NSUN7: variants seen among roughly 807,000 people sequenced by gnomAD.
NSUN7 encodes the protein NOP2/Sun RNA methyltransferase family member 7.
NSUN7 carries 39 observed loss-of-function variants against 58.5 expected under a neutral mutation model. The observed-to-expected ratio is 0.67, with a 90% confidence interval of 0.52 to 0.87. The LOEUF is 0.87. NSUN7 is among the 40% of genes least tolerant of loss of function. NSUN7 has a pLI of 0.00. For synonymous variants in NSUN7, 278 were observed against 303.7 expected, an observed-to-expected ratio of 0.92 and a Z score of 0.88; for missense variants, 765 against 844.1, an observed-to-expected ratio of 0.91 and a Z score of 1.16.
rs1172697465 is a variant in NSUN7, at chr4:40,809,253, CCTGCAGGGAAGGAAACA to C, written c.*319_*335del. The C allele has an allele frequency of 1.3e-5, 3 of 229,392 alleles. No homozygotes were observed. Among genetic ancestry groups the C allele is most frequent in the Admixed American group, 1.1e-4 (2 of 17,964 alleles). 14.2% of individuals were successfully genotyped at this position (229,392 alleles called of 1,614,324 possible). On this transcript the variant is annotated 3_prime_UTR_variant, in exon 12 of 12. Coordinates refer to ENST00000381782, the MANE Select transcript of NSUN7 (RefSeq NM_024677.6). ...CTGGACTTAAAGCTGCCAAGTTTCC[CCTGCAGGGAAGGAAACA>C]CTGCCTCCCTTCAGCAGGTAGCTCA...
At position 40,808,927 on chromosome 4, in the gene NSUN7, G is replaced by A. The variant is rs1018539075; in HGVS notation, c.2145G>A (p.Arg715=). ...DTPSSLLRPP[R]RWL ...CTTCCTCCCTACTCAGGCCTCCTCG[G>A]CGATGGCTTTGATTGTCTTGTGTTT... The change falls in exon 12 of 12, where the codon CGG becomes CGA. Residue 715 remains arginine (R), a synonymous_variant. Transcript: ENST00000381782. 9.2e-6 allele frequency: 14 copies of A among 1,521,212 alleles called. No individual in the cohort carries two copies. The African/African-American group carries it at 1.7e-4, about 18-fold the overall frequency. 94.2% of individuals were successfully genotyped at this position (1,521,212 alleles called of 1,614,324 possible).
chr4:40,807,322 G>A, intron 11 of NSUN7, 138 bp downstream of exon 11: 2 of 759,766 alleles, frequency 2.6e-6, no homozygotes, highest in African/African-American at 1.8e-5. Context: ...TGAAGGGCAG[G>A]AACAAGAATT....
intron 10 of NSUN7, among the ~76,000 whole-genome samples, chr4:40,799,677 G>C (rs1036170225): frequency 5.9e-5 from 9 of 152,108 alleles, no homozygotes; most frequent in African/African-American, 2.2e-4. Context: ...TATTGAAGAT[G>C]TTTATAACTA....
intron 4 of NSUN7, chr4:40,762,530 G>A (rs1577547060): frequency 6.6e-6 from 1 of 152,164 alleles, no homozygotes; most frequent in East Asian, 1.9e-4. Flanking sequence ...ATATGTGTTA[G>A]CCACTGTTCT....
chr4:40,787,208 T>C (rs1742867752), intron 7 of NSUN7, among the ~76,000 whole-genome samples: 1 of 152,042 alleles, frequency 6.6e-6, no homozygotes, highest in Non-Finnish European at 1.5e-5. Flanking sequence ...GACCTCTGCC[T>C]AGGAAAACCA....
chr4:40,752,815 G>A (rs1204048652), intron 2 of NSUN7, among the ~76,000 whole-genome samples: 1 of 7,724 alleles, frequency 1.3e-4, no homozygotes, highest in Non-Finnish European at 2.7e-4. Context: ...TTGGTTGTCT[G>A]CAGAGAGTCT....
chr4:40,771,551 T>A (rs1451047902), intron 4 of NSUN7, among the ~76,000 whole-genome samples: 2 of 151,954 alleles, frequency 1.3e-5, no homozygotes, highest in Non-Finnish European at 2.9e-5. Context: ...TGGCAAATAG[T>A]TCAGCACATG....
chr4:40,787,977 G>T (rs1742911559), intron 7 of NSUN7, among the ~76,000 whole-genome samples: 1 of 152,182 alleles, frequency 6.6e-6, no homozygotes, highest in South Asian at 2.1e-4. Context: ...TGGGATTACA[G>T]AGGCAGGCCA....
chr4:40,785,157 T>C (rs1742749090), intron 7 of NSUN7, among the ~76,000 whole-genome samples: 1 of 151,150 alleles, frequency 6.6e-6, no homozygotes, highest in African/African-American at 2.4e-5. Context: ...CACTTCAGCA[T>C]CCCAAGTAGC....
In NSUN7 at chr4:40,775,906, G is replaced by A; in HGVS notation, c.826-143G>A. 1 of 509,580 alleles carries A rather than the reference G, an allele frequency of 2.0e-6. No individual in the cohort carries two copies. Among genetic ancestry groups the A allele is most frequent in the Non-Finnish European group, 3.4e-6 (1 of 290,864 alleles). The allele number at this position is 509,580 out of a possible 1,614,324, so 31.6% of individuals were successfully genotyped here. ...GTTGTCTTTGTTAACTCTTTACTTA[G>A]ACATATATTAAGATGTTAAAACTAA... On this transcript the variant is annotated intron_variant, in intron 6 of 11. Coordinates refer to ENST00000381782, the MANE Select transcript of NSUN7 (RefSeq NM_024677.6). This position sits in a 1 kb window ranked among gnomAD's most constrained non-coding sequence, Gnocchi z 4.3.
intron 7 of NSUN7, among the ~76,000 whole-genome samples, chr4:40,788,069 G>A (rs545907514): frequency 4.1e-4 from 62 of 152,252 alleles, no homozygotes; most frequent in African/African-American, 1.4e-3. Flanking sequence ...TCCCGACCTC[G>A]TGATCCGCCC....
intron 9 of NSUN7, among the ~76,000 whole-genome samples, chr4:40,796,640 A>G (rs2154288955): frequency 6.6e-6 from 1 of 152,270 alleles, no homozygotes; most frequent in South Asian, 2.1e-4. Context: ...TTAAAAAAAT[A>G]CAAATAAATC....
intron 3 of NSUN7, 102 bp downstream of exon 3, chr4:40,760,594 G>A (rs1560546397): frequency 9.0e-6 from 8 of 892,600 alleles, no homozygotes; most frequent in Admixed American, 2.6e-5. Flanking sequence ...CGGGCGCAGT[G>A]GCTCACACCT....
chr4:40,761,080 T>C, intron 3 of NSUN7, 91 bp from the exon 4 acceptor site: 1 of 1,032,944 alleles, frequency 9.7e-7, no homozygotes, highest in African/African-American at 1.7e-5. Flanking sequence ...CCTGCTCTGT[T>C]ATGAAAAATA....
rs1345388429 is a variant in NSUN7, at chr4:40,775,407, A to G, written c.825+457A>G. On this transcript the variant is annotated intron_variant, in intron 6 of 11. Coordinates refer to ENST00000381782, the MANE Select transcript of NSUN7 (RefSeq NM_024677.6). The surrounding 1 kb of genome is among the most constrained non-coding windows in gnomAD (Gnocchi z 4.3). ...GTATATAAAGGCTATCAATATAGGA[A>G]GAGAATGTGAGGTATAATGTAGTTT... 1.3e-5 allele frequency: 2 copies of G among 152,858 alleles called. No homozygotes were observed. Among genetic ancestry groups the G allele is most frequent in the Admixed American group, 6.5e-5 (1 of 15,340 alleles). The allele number at this position is 152,858 out of a possible 1,614,324, so 9.5% of individuals were successfully genotyped here.
rs111427376 is a variant in NSUN7 at position 40,785,928 on chromosome 4, C to T, written c.1037-4674C>T. Reference sequence around the variant, plus strand: ...TGCCAGGCGCCCAGTCCTCCGCCATCGCCCACGCCTCCCTGGTGCCAGGGA... The same window carrying T: ...TGCCAGGCGCCCAGTCCTCCGCCATTGCCCACGCCTCCCTGGTGCCAGGGA... On this transcript the variant is annotated intron_variant, in intron 7 of 11. Transcript: ENST00000381782. 4.4e-3 allele frequency among the ~76,000 whole-genome samples: 676 copies of T among 152,334 alleles called. 5 individuals carry two copies. The highest frequency in any genetic ancestry group is 0.015 in the African/African-American group (639 of 41,570).
chr4:40,777,854 C>A (rs1390866909), intron 7 of NSUN7, among the ~76,000 whole-genome samples: 1 of 152,160 alleles, frequency 6.6e-6, no homozygotes, highest in Non-Finnish European at 1.5e-5. Context: ...CCTGCCTCAG[C>A]CTCTCAAGTA....
Position 40,750,090 on chromosome 4 carries a change from C to CCCA in NSUN7, c.-297_-295dup, listed in dbSNP as rs1166993702. The CCCA allele has an allele frequency of 6.6e-6, 1 of 152,418 alleles. No individual in the cohort carries two copies. Among genetic ancestry groups the CCCA allele is most frequent in the Non-Finnish European group, 1.5e-5 (1 of 68,232 alleles). The allele number at this position is 152,418 out of a possible 1,614,324, so 9.4% of individuals were successfully genotyped here. A position where few individuals can be genotyped will look rare whatever the true frequency, so the allele number is the denominator to read the frequency against. ...CGAGGCCAGGCGAGGCCCCGAGGCGCCCACCACTTCACGACACCGGAGCGA... is the reference window on the plus strand; with the variant it reads ...CGAGGCCAGGCGAGGCCCCGAGGCGCCCACCACCACTTCACGACACCGGAGCGA... On this transcript the variant is annotated 5_prime_UTR_variant, in exon 1 of 12. Coordinates refer to ENST00000381782, the MANE Select transcript of NSUN7 (RefSeq NM_024677.6).
At position 40,810,899 on chromosome 4, in the gene NSUN7, A is replaced by C. The variant is rs1042461564; in HGVS notation, c.*1960A>C. On this transcript the variant is annotated 3_prime_UTR_variant, in exon 12 of 12. Coordinates refer to ENST00000381782, the MANE Select transcript of NSUN7 (RefSeq NM_024677.6). ...TCAGTAAAGAATCCCATTGTGTATC[A>C]TAAGAATCCCTTATCCTTTTCGGGC... The C allele has an allele frequency of 2.6e-5, 4 of 152,220 alleles. No homozygotes were observed. The highest frequency in any genetic ancestry group is 4.8e-5 in the African/African-American group (2 of 41,452). The allele number at this position is 152,220 out of a possible 1,614,324, so 9.4% of individuals were successfully genotyped here. A position where few individuals can be genotyped will look rare whatever the true frequency, so the allele number is the denominator to read the frequency against.
Sources: allele counts gnomAD v4.1 joint callset (sites outside exome capture counted in the v4.1 genomes callset), GRCh38; gene constraint gnomAD v4.1.1; non-coding constraint Gnocchi (gnomAD v3.1); transcripts MANE v1.5; gene names NCBI Gene and HGNC (gene_info 2026-07-23, HGNC 2026-07-21).